Variants in ZNF721 observed in about 807,000 individuals in gnomAD.
The protein encoded by ZNF721 is zinc finger protein 721.
In ZNF721, 2 loss-of-function variants were observed where a neutral mutation model predicts 2.4. That is an observed-to-expected ratio of 0.82 (90% CI 0.34 to 2.58). ZNF721 has a LOEUF of 2.58. Ranked by LOEUF, ZNF721 falls within the 30% of genes most tolerant of loss-of-function variation. ZNF721 has a pLI of 0.11. For synonymous variants in ZNF721, 398 were observed against 381.8 expected (o/e 1.04, Z -0.50); for missense variants, 1,187 against 1,085.5 (o/e 1.09, Z -1.31).
chr4:485,866 T>C (rs1196637740), intron 1 of ZNF721, among the ~76,000 whole-genome samples: 1 of 152,138 alleles, frequency 6.6e-6, no homozygotes, highest in African/African-American at 2.4e-5. Flanking sequence ...TCCCAGCTAC[T>C]TGGGAGGCTG....
intron 2 of ZNF721, among the ~76,000 whole-genome samples, chr4:455,167 T>C (rs782778233): frequency 1.1e-4 from 16 of 152,230 alleles, no homozygotes; most frequent in Non-Finnish European, 1.6e-4. Context: ...TTTGCTTATA[T>C]ACCTACATTG....
At chr4:481,700 T>C (rs1715773796) in intron 1 of ZNF721, among the ~76,000 whole-genome samples, 1 of 151,942 alleles carries the variant, frequency 6.6e-6, no homozygotes, top group Non-Finnish European at 1.5e-5. Flanking sequence ...GGAGTTAACA[T>C]CCATTCCATT....
chr4:470,661 C>G (rs1165908985), intron 2 of ZNF721, among the ~76,000 whole-genome samples: 1 of 151,992 alleles, frequency 6.6e-6, no homozygotes, highest in African/African-American at 2.4e-5. Flanking sequence ...TTGCAGTGAG[C>G]CGAGATCATG....
intron 1 of ZNF721, among the ~76,000 whole-genome samples, chr4:497,490 C>T (rs569759348): frequency 6.6e-6 from 1 of 152,214 alleles, no homozygotes; most frequent in South Asian, 2.1e-4. Flanking sequence ...TTAAGGACGC[C>T]CATGACACAG....
chr4:469,834 T>C (rs1240346617), intron 2 of ZNF721, among the ~76,000 whole-genome samples: 1 of 152,192 alleles, frequency 6.6e-6, no homozygotes, highest in Non-Finnish European at 1.5e-5. Flanking sequence ...ATTATAGTCT[T>C]GTCAATACAT....
intron 2 of ZNF721, among the ~76,000 whole-genome samples, chr4:459,404 C>T (rs1553865770): frequency 6.6e-6 from 1 of 151,902 alleles, no homozygotes; most frequent in Non-Finnish European, 1.5e-5. Flanking sequence ...AGACCCATCT[C>T]ATGTGCAAAG....
At chr4:475,052 T>TG (rs546218505) in intron 1 of ZNF721, among the ~76,000 whole-genome samples, 1 of 151,786 alleles carries the variant, frequency 6.6e-6, no homozygotes, top group Admixed American at 6.6e-5. Flanking sequence ...CCGGGCGTGG[T>TG]GGGGGGCGCC....
intron 1 of ZNF721, among the ~76,000 whole-genome samples, chr4:496,487 G>A (rs1716155605): frequency 6.6e-6 from 1 of 152,096 alleles, no homozygotes. Flanking sequence ...ACCCTCACGT[G>A]ATTCTCAGTT....
At chr4:472,859 A>G (rs1715481461) in intron 1 of ZNF721, among the ~76,000 whole-genome samples, 158 bp from the exon 2 acceptor site, 2 of 152,246 alleles carry the variant, frequency 1.3e-5, no homozygotes, top group Non-Finnish European at 2.9e-5. Flanking sequence ...CTCTGCGGAA[A>G]AAGGAAGGCA....
chr4:440,816 C>A lies in ZNF721; in HGVS notation c.*879G>T, dbSNP rs1277155082. 9 of 152,256 alleles carry A rather than the reference C, an allele frequency of 5.9e-5. No individual in the cohort carries two copies. The highest frequency in any genetic ancestry group is 2.2e-4 in the African/African-American group (9 of 41,444). The allele number at this position is 152,256 out of a possible 1,614,324, so 9.4% of individuals were successfully genotyped here. A position where few individuals can be genotyped will look rare whatever the true frequency, so the allele number is the denominator to read the frequency against. On this transcript the variant is annotated 3_prime_UTR_variant, in exon 3 of 3. Transcript: ENST00000511833. ...GAGTAGCTGGGATTACAGCCATGCA[C>A]CACCATGTCCTGCTAATTTTTGTAT...
At chr4:484,391 A>T (rs1466936761) in intron 1 of ZNF721, among the ~76,000 whole-genome samples, 1 of 152,256 alleles carries the variant, frequency 6.6e-6, no homozygotes, top group Non-Finnish European at 1.5e-5. Context: ...ACAGGATAAC[A>T]GCAGTTGTTC....
chr4:480,629 G>T (rs192851747), intron 1 of ZNF721, among the ~76,000 whole-genome samples: 1 of 151,990 alleles, frequency 6.6e-6, no homozygotes, highest in African/African-American at 2.4e-5. Context: ...GAGATAGCTC[G>T]TATAAATGGA....
chr4:483,959 G>A (rs1378488110), intron 1 of ZNF721, among the ~76,000 whole-genome samples: 1 of 152,086 alleles, frequency 6.6e-6, no homozygotes, highest in African/African-American at 2.4e-5. Flanking sequence ...CTCCAGGGAT[G>A]TACCAGCACA....
At chr4:493,647 C>G (rs1363900170) in intron 1 of ZNF721, among the ~76,000 whole-genome samples, 4 of 148,724 alleles carry the variant, frequency 2.7e-5, no homozygotes, top group Non-Finnish European at 1.5e-5. Flanking sequence ...CCATTGCACT[C>G]CAGTCTGGGC....
intron 1 of ZNF721, among the ~76,000 whole-genome samples, chr4:475,118 C>T (rs1715593825): frequency 6.6e-6 from 1 of 151,540 alleles, no homozygotes; most frequent in South Asian, 2.1e-4. Context: ...ACCCAGGAGA[C>T]GGAGCTTCTT....
intron 1 of ZNF721, among the ~76,000 whole-genome samples, chr4:484,564 T>TTATAAACAGCGCCCCCAGGCATGGCCA (rs1715845588): frequency 6.6e-6 from 1 of 152,232 alleles, no homozygotes; most frequent in South Asian, 2.1e-4. Context: ...AGGTATAGGC[T>TTATAAACAGCGCCCCCAGGCATGGCCA]TATAAACAGC....
At chr4:487,953 T>G (rs1553870836) in intron 1 of ZNF721, among the ~76,000 whole-genome samples, 1 of 152,182 alleles carries the variant, frequency 6.6e-6, no homozygotes, top group Non-Finnish European at 1.5e-5. Context: ...GACAGTGCCT[T>G]GGAGTGGCCG....
intron 1 of ZNF721, among the ~76,000 whole-genome samples, chr4:476,807 ACACTGG>A (rs782069379): frequency 3.9e-5 from 6 of 152,218 alleles, no homozygotes; most frequent in Admixed American, 1.3e-4. Context: ...AAGTCTTGAC[ACACTGG>A]CTGCAGCTCA....
intron 2 of ZNF721, among the ~76,000 whole-genome samples, chr4:467,902 C>T (rs185539351): frequency 1.3e-5 from 2 of 152,046 alleles, no homozygotes; most frequent in East Asian, 1.9e-4. Context: ...TTTGGGAGGC[C>T]GAGGCGGGCA....
Sources: allele counts gnomAD v4.1 joint callset (sites outside exome capture counted in the v4.1 genomes callset), GRCh38; gene constraint gnomAD v4.1.1; transcripts MANE v1.5; gene names NCBI Gene and HGNC (gene_info 2026-07-23, HGNC 2026-07-21).